The following TMIGD3 variants were observed in gnomAD, a reference collection of about 807,000 sequenced individuals.
TMIGD3 encodes AD026 protein (AD026).
Under a neutral mutation model 28.1 loss-of-function variants are expected in TMIGD3, and 21 were observed. That is an observed-to-expected ratio of 0.75 (90% CI 0.53 to 1.08). The LOEUF is 1.08. Ranked by LOEUF, TMIGD3 falls within the 50% of genes least tolerant of loss-of-function variation. TMIGD3 has a pLI of 0.00. For missense variants in TMIGD3, 416 were observed against 435.6 expected, an observed-to-expected ratio of 0.96 and a Z score of 0.40; for synonymous variants, 151 against 162.1, an observed-to-expected ratio of 0.93 and a Z score of 0.52.
At chr1:111,509,047 A>G (rs1030516990) in intron 1 of TMIGD3, among the ~76,000 whole-genome samples, 2 of 152,150 alleles carry the variant, frequency 1.3e-5, no homozygotes, top group Non-Finnish European at 2.9e-5. Context: ...GTGAGGTGAG[A>G]TCGCACCACT....
At chr1:111,545,924 G>T (rs1052419887) in intron 1 of TMIGD3, among the ~76,000 whole-genome samples, 2 of 152,130 alleles carry the variant, frequency 1.3e-5, no homozygotes, top group African/African-American at 4.8e-5. Context: ...AAAATCAATT[G>T]TCCACAGGTG....
intron 1 of TMIGD3, among the ~76,000 whole-genome samples, chr1:111,492,673 G>C (rs1417047893): frequency 2.0e-5 from 3 of 152,028 alleles, no homozygotes; most frequent in Non-Finnish European, 4.4e-5. Context: ...AATTAGCCAG[G>C]CGTGGTGGTG....
intron 1 of TMIGD3, among the ~76,000 whole-genome samples, chr1:111,535,934 T>G (rs1656625397): frequency 6.6e-6 from 1 of 152,188 alleles, no homozygotes; most frequent in African/African-American, 2.4e-5. Flanking sequence ...GCAAGCATAT[T>G]TGAACTTGGA....
intron 1 of TMIGD3, among the ~76,000 whole-genome samples, chr1:111,495,766 A>G (rs1284297760): frequency 6.6e-6 from 1 of 152,264 alleles, no homozygotes; most frequent in Non-Finnish European, 1.5e-5. Flanking sequence ...AATGCCCATC[A>G]ATGGCAGACT....
intron 1 of TMIGD3, among the ~76,000 whole-genome samples, chr1:111,560,645 C>T (rs1382925066): frequency 6.6e-6 from 1 of 151,998 alleles, no homozygotes; most frequent in Non-Finnish European, 1.5e-5. Context: ...TGCCTCACCA[C>T]ATCCAGCTAA....
rs558897624 is a variant in TMIGD3, at chr1:111,485,625, C to T, written c.973+115G>A. 7.2e-5 allele frequency: 57 copies of T among 794,480 alleles called. 1 individual carries two copies. Among genetic ancestry groups the T allele is most frequent in the Non-Finnish European group, 9.7e-5 (48 of 495,336 alleles). 49.2% of individuals were successfully genotyped at this position (794,480 alleles called of 1,614,324 possible). On this transcript the variant is annotated intron_variant, in intron 5 of 5. Coordinates refer to ENST00000369716, the MANE Select transcript of TMIGD3 (RefSeq NM_020683.7). ...AGCCCATGGCTGGCTGCATTGGTCT[C>T]CAGGTGACCAGGCAATATGAAGAGG... is the stretch of plus-strand genomic sequence containing the variant.
chr1:111,548,545 A>G (rs1657123580), intron 1 of TMIGD3, among the ~76,000 whole-genome samples: 1 of 152,208 alleles, frequency 6.6e-6, no homozygotes, highest in African/African-American at 2.4e-5. Context: ...GCACAACTTT[A>G]ATTTTTCGGT....
intron 1 of TMIGD3, among the ~76,000 whole-genome samples, chr1:111,563,424 C>T (rs74940575): frequency 0.032 from 4,892 of 152,298 alleles, 151 homozygotes; most frequent in African/African-American, 0.079. Context: ...GATGTGGCTC[C>T]TTAAGTTCTC....
At chr1:111,501,958 A>G (rs1286858163) in intron 1 of TMIGD3, among the ~76,000 whole-genome samples, 1 of 149,460 alleles carries the variant, frequency 6.7e-6, no homozygotes, top group Non-Finnish European at 1.5e-5. Flanking sequence ...ATTTTTACGA[A>G]AAAAGCTCTC....
At chr1:111,489,960 C>A (rs577124654) in intron 2 of TMIGD3, among the ~76,000 whole-genome samples, 78 of 152,282 alleles carry the variant, frequency 5.1e-4, no homozygotes, top group African/African-American at 1.9e-3. Flanking sequence ...TTCTCTCAGC[C>A]TTCCAGAAGT....
At chr1:111,541,960 A>G (rs1183715216) in intron 1 of TMIGD3, among the ~76,000 whole-genome samples, 1 of 152,190 alleles carries the variant, frequency 6.6e-6, no homozygotes, top group African/African-American at 2.4e-5. Context: ...ACAACTGGAG[A>G]GGAAAGGCAA....
intron 1 of TMIGD3, among the ~76,000 whole-genome samples, chr1:111,518,174 G>A (rs1404089694): frequency 6.6e-6 from 1 of 152,118 alleles, no homozygotes; most frequent in African/African-American, 2.4e-5. Context: ...CCACTGTTAG[G>A]GACTTTTTCT....
chr1:111,515,116 G>A (rs1486146361), intron 1 of TMIGD3, among the ~76,000 whole-genome samples: 3 of 152,220 alleles, frequency 2.0e-5, no homozygotes, highest in Non-Finnish European at 2.9e-5. Context: ...GGAAACAGAG[G>A]CTGAGAGTTT....
chr1:111,502,133 ATT>A lies in TMIGD3; in HGVS notation c.350+870_350+871del, dbSNP rs1483376368. ...AATATAATAAATATATAGGATATAT[ATT>A]TAATATAATAAATATATAGGATATA... On this transcript the variant is annotated intron_variant, in intron 1 of 5. Coordinates refer to ENST00000369716, the MANE Select transcript of TMIGD3 (RefSeq NM_020683.7). Among the ~76,000 whole-genome samples the A allele has an allele frequency of 5.9e-5, 6 of 101,124 alleles. No homozygotes were observed. The East Asian group carries it at 7.8e-4, about 13-fold the overall frequency. The allele number at this position is 101,124 out of a possible 152,430, so 66.3% of individuals were successfully genotyped here.
At chr1:111,548,248 TG>T (rs1299601682) in intron 1 of TMIGD3, among the ~76,000 whole-genome samples, 1 of 152,214 alleles carries the variant, frequency 6.6e-6, no homozygotes, top group Admixed American at 6.5e-5. Context: ...CTCAAACTCC[TG>T]GCCTCAAGCG....
chr1:111,562,129 G>A (rs1199700217), intron 1 of TMIGD3, among the ~76,000 whole-genome samples: 2 of 152,044 alleles, frequency 1.3e-5, no homozygotes, highest in African/African-American at 4.8e-5. Flanking sequence ...TCTTTTCTAT[G>A]AGATGGTCTT....
chr1:111,491,333 A>G (rs1654649163), intron 1 of TMIGD3, among the ~76,000 whole-genome samples: 1 of 152,262 alleles, frequency 6.6e-6, no homozygotes. Context: ...ACTTCCTGAA[A>G]GCTTTCCTGA....
chr1:111,486,800 T>C (rs779479676), intron 3 of TMIGD3, 148 bp from the exon 4 acceptor site: 79 of 708,332 alleles, frequency 1.1e-4, no homozygotes, highest in Non-Finnish European at 1.8e-4. Flanking sequence ...CACGCGCAGT[T>C]GTATAAATGT....
chr1:111,537,065 C>T (rs1656663753), intron 1 of TMIGD3, among the ~76,000 whole-genome samples: 1 of 152,210 alleles, frequency 6.6e-6, no homozygotes, highest in Admixed American at 6.5e-5. Flanking sequence ...CTTAGCTACC[C>T]AAACTTATGC....
Sources: allele counts gnomAD v4.1 joint callset (sites outside exome capture counted in the v4.1 genomes callset), GRCh38; gene constraint gnomAD v4.1.1; transcripts MANE v1.5; gene names NCBI Gene and HGNC (gene_info 2026-07-23, HGNC 2026-07-21).